CENPP: variants seen among roughly 807,000 people sequenced by gnomAD.
CENPP encodes the protein centromere protein P.
A neutral mutation model predicts 35.6 loss-of-function variants in CENPP; 24 were observed. The ratio of observed to expected loss-of-function variants is 0.67; its 90% CI spans 0.49 to 0.95. The LOEUF (loss-of-function observed/expected upper bound fraction) is 0.95, where lower values mean the gene tolerates loss of function less well. Among genes scored for constraint, CENPP ranks in the 40% least tolerant of loss-of-function variants. The pLI, the probability that CENPP is intolerant of heterozygous loss-of-function variation, is 0.00. For synonymous variants in CENPP, 120 were observed against 125.5 expected, an observed-to-expected ratio of 0.96 and a Z score of 0.29; for missense variants, 332 against 345.3, an observed-to-expected ratio of 0.96 and a Z score of 0.31.
At chr9:92,526,864 C>G (rs904228351) in intron 5 of CENPP, among the ~76,000 whole-genome samples, 2 of 152,134 alleles carry the variant, frequency 1.3e-5, no homozygotes, top group African/African-American at 2.4e-5. Flanking sequence ...CCTAGGCCTT[C>G]ACACTCACTC....
At position 92,345,686 on chromosome 9, in the gene CENPP, A is replaced by G. The variant is rs1304773660; in HGVS notation, c.379-13A>G. 4 of 1,460,490 alleles carry G rather than the reference A, an allele frequency of 2.7e-6. No individual in the cohort carries two copies. The highest frequency in any genetic ancestry group is 1.4e-5 in the African/African-American group (1 of 71,160). 90.5% of individuals were successfully genotyped at this position (1,460,490 alleles called of 1,614,324 possible). A position where few individuals can be genotyped will look rare whatever the true frequency, so the allele number is the denominator to read the frequency against. On this transcript the variant is annotated splice_polypyrimidine_tract_variant and intron_variant, in intron 3 of 7. Coordinates refer to ENST00000375587, the MANE Select transcript of CENPP (RefSeq NM_001012267.3). ...ACTGTGCTTTGATACAGAAATTTTT[A>G]TCTTTATTTTAGAATAAGGAGAGAT...
At chr9:92,342,516 C>T (rs1841154409) in intron 3 of CENPP, among the ~76,000 whole-genome samples, 1 of 152,220 alleles carries the variant, frequency 6.6e-6, no homozygotes, top group South Asian at 2.1e-4. Flanking sequence ...CAAAGTGCTA[C>T]AGAAAGAGTG....
At chr9:92,378,275 T>TCAAAAA (rs1588072947) in intron 4 of CENPP, among the ~76,000 whole-genome samples, 1 of 152,198 alleles carries the variant, frequency 6.6e-6, no homozygotes, top group African/African-American at 2.4e-5. Flanking sequence ...CAGCTCCTTT[T>TCAAAAA]TGGCATTGGG....
chr9:92,327,941 T>G (rs1840620543), intron 1 of CENPP, among the ~76,000 whole-genome samples: 1 of 152,202 alleles, frequency 6.6e-6, no homozygotes, highest in Non-Finnish European at 1.5e-5. Context: ...TCTGCAACTC[T>G]TACGATCTCT....
At chr9:92,500,855 G>A (rs758832338) in intron 5 of CENPP, 1 of 1,614,082 alleles carries the variant, frequency 6.2e-7, no homozygotes, top group African/African-American at 1.3e-5. Flanking sequence ...CATAGAAGGA[G>A]ACACGGTCCA....
rs1288883821 is a variant in CENPP at position 92,618,668 on chromosome 9, C to A, written c.*5519C>A. On this transcript the variant is annotated 3_prime_UTR_variant, in exon 8 of 8. Transcript: ENST00000375587. ...AACAGGAGTTTTCAACTAAATAGAA[C>A]AACCTTTTTTCTACTTCAGTTAGCC... 1 of 421,254 alleles carries A rather than the reference C, an allele frequency of 2.4e-6. No homozygotes were observed. Among genetic ancestry groups the A allele is most frequent in the Non-Finnish European group, 4.8e-6 (1 of 208,270 alleles). The allele number at this position is 421,254 out of a possible 1,614,324, so 26.1% of individuals were successfully genotyped here.
In CENPP at chr9:92,352,346, T is replaced by C. The variant is rs1588052060; in HGVS notation, c.467+6559T>C. On this transcript the variant is annotated intron_variant, in intron 4 of 7. Transcript: ENST00000375587. ...GATTGTGCCACTGCACTCCTCTGGGTGACAGAGCAAGACATCATCTGAAAA... is the reference window on the plus strand; with the variant it reads ...GATTGTGCCACTGCACTCCTCTGGGCGACAGAGCAAGACATCATCTGAAAA... Among the ~76,000 whole-genome samples, 3 of 149,602 alleles carry C rather than the reference T, an allele frequency of 2.0e-5. No homozygotes were observed. The East Asian group carries it at 5.9e-4, about 29-fold the overall frequency.
intron 4 of CENPP, among the ~76,000 whole-genome samples, chr9:92,351,275 G>A (rs1461064009): frequency 6.6e-6 from 1 of 152,038 alleles, no homozygotes; most frequent in Non-Finnish European, 1.5e-5. Context: ...TGGATCATGA[G>A]GTCAGGAGTT....
At chr9:92,416,615 A>C in intron 5 of CENPP, 2 of 1,486,202 alleles carry the variant, frequency 1.3e-6, no homozygotes, top group Non-Finnish European at 1.8e-6. Context: ...AAAAGTCTAC[A>C]TACTTTCTAT....
chr9:92,337,718 T>A, intron 3 of CENPP, 89 bp downstream of exon 3: 1 of 856,784 alleles, frequency 1.2e-6, no homozygotes, highest in Non-Finnish European at 2.0e-6. Flanking sequence ...GTGATGGAGC[T>A]GAAGAGGAGT....
intron 4 of CENPP, among the ~76,000 whole-genome samples, chr9:92,377,276 C>A (rs1299840747): frequency 6.6e-6 from 1 of 152,164 alleles, no homozygotes; most frequent in Non-Finnish European, 1.5e-5. Context: ...TAAATAATTT[C>A]TTTCTAGCTC....
rs529437417 is a variant in CENPP at position 92,571,164 on chromosome 9, G to T, written c.565-40150G>T. Among the ~76,000 whole-genome samples the T allele has an allele frequency of 1.9e-3, 294 of 151,546 alleles. 1 individual carries two copies. Among genetic ancestry groups the T allele is most frequent in the African/African-American group, 6.6e-3 (271 of 41,256 alleles). ...TCTTGCTTCTCTAGTTCTTTTAATT[G>T]TGATGTTAGGGTGTCGATTTTAGAT... On this transcript the variant is annotated intron_variant, in intron 5 of 7. Coordinates refer to ENST00000375587, the MANE Select transcript of CENPP (RefSeq NM_001012267.3).
chr9:92,514,546 A>G, intron 5 of CENPP: 2 of 1,498,592 alleles, frequency 1.3e-6, no homozygotes, highest in Non-Finnish European at 1.8e-6. Flanking sequence ...AAGTGCTGAG[A>G]TTATAGGCGT....
At chr9:92,544,542 GGT>G (rs200787649) in intron 5 of CENPP, among the ~76,000 whole-genome samples, 1,868 of 139,278 alleles carry the variant, frequency 0.013, 35 homozygotes, top group African/African-American at 0.043. Context: ...TTTGTTGAGG[GGT>G]TTTTTTTTTT....
chr9:92,574,964 A>G (rs938899599), intron 5 of CENPP, among the ~76,000 whole-genome samples: 3 of 152,362 alleles, frequency 2.0e-5, no homozygotes, highest in African/African-American at 4.8e-5. Flanking sequence ...TCAATGGGGA[A>G]ATGACATTCA....
At chr9:92,500,673 C>T (rs1453619765) in intron 5 of CENPP, 1 of 1,507,786 alleles carries the variant, frequency 6.6e-7, no homozygotes, top group Non-Finnish European at 9.0e-7. Flanking sequence ...GTTGTTTTAT[C>T]ATATATTTTG....
intron 5 of CENPP, among the ~76,000 whole-genome samples, chr9:92,548,423 T>C (rs1029502878): frequency 1.3e-5 from 2 of 152,048 alleles, no homozygotes; most frequent in Admixed American, 1.3e-4. Flanking sequence ...AATTAGGGGG[T>C]TGTCCACCCC....
intron 5 of CENPP, among the ~76,000 whole-genome samples, chr9:92,572,453 G>A (rs1167821152): frequency 6.6e-6 from 1 of 152,202 alleles, no homozygotes; most frequent in Admixed American, 6.5e-5. Flanking sequence ...TCTGCCGAGA[G>A]ATCCGCTGTT....
At chr9:92,429,790 AATCATCATC>A (rs5899160) in intron 5 of CENPP, among the ~76,000 whole-genome samples, 187 of 150,538 alleles carry the variant, frequency 1.2e-3, no homozygotes, top group African/African-American at 4.3e-3. Context: ...TCCGTCTCAA[AATCATCATC>A]ATCATCATCA....
Sources: gnomAD v4.1 joint callset for allele counts (sites outside exome capture counted in the v4.1 genomes callset) on GRCh38, gnomAD v4.1.1 for gene constraint, MANE v1.5 for transcripts, NCBI Gene and HGNC (gene_info 2026-07-23, HGNC 2026-07-21) for gene names.